The following ROBO2 variants were observed in gnomAD, a reference collection of about 807,000 sequenced individuals.
ROBO2 encodes roundabout homolog 2.
ROBO2 carries 53 observed loss-of-function variants against 160.8 expected under a neutral mutation model. The ratio of observed to expected loss-of-function variants is 0.33; its 90% CI spans 0.26 to 0.41. The LOEUF is 0.41. Among genes scored for constraint, ROBO2 ranks in the 10% least tolerant of loss-of-function variants. The pLI is 1.00. For missense variants in ROBO2, 1,577 were observed against 1,722.4 expected, an observed-to-expected ratio of 0.92 and a Z score of 1.49; for synonymous variants, 664 against 611.7, an observed-to-expected ratio of 1.09 and a Z score of -1.26.
At chr3:76,834,114 C>CTTTCTT (rs1442438961) in intron 2 of ROBO2, among the ~76,000 whole-genome samples, 2 of 129,154 alleles carry the variant, frequency 1.5e-5, no homozygotes, top group African/African-American at 2.9e-5. Flanking sequence ...TTCTTTCTTT[C>CTTTCTT]TCTCTGTCTC....
rs1245594976 is a variant in ROBO2, at chr3:76,897,694, A to G, written c.110-200320A>G. On this transcript the variant is annotated intron_variant, in intron 2 of 26. Coordinates refer to the ROBO2 transcript ENST00000487694. ...ACTTTGTTAAAATTGAAATTTATCCAGGATAGAGTGGCCCTCACTTTTTTT... is the reference window on the plus strand; with the variant it reads ...ACTTTGTTAAAATTGAAATTTATCCGGGATAGAGTGGCCCTCACTTTTTTT... 2.0e-5 allele frequency among the ~76,000 whole-genome samples: 3 copies of G among 148,670 alleles called. No homozygotes were observed. In the East Asian group the frequency reaches 6.0e-4, roughly 29 times the overall value.
intron 2 of ROBO2, among the ~76,000 whole-genome samples, chr3:76,480,772 A>G (rs879513366): frequency 1.3e-5 from 2 of 152,152 alleles, no homozygotes; most frequent in African/African-American, 4.8e-5. Context: ...GGGCATACAT[A>G]TTTTGGGTGG....
At chr3:76,759,544 T>G (rs2061179074) in intron 2 of ROBO2, among the ~76,000 whole-genome samples, 1 of 151,644 alleles carries the variant, frequency 6.6e-6, no homozygotes, top group Non-Finnish European at 1.5e-5. Context: ...CATAGTTGGA[T>G]CTCCGGAAAA....
chr3:76,195,136 T>C (rs1162491062), intron 2 of ROBO2, among the ~76,000 whole-genome samples: 1 of 152,182 alleles, frequency 6.6e-6, no homozygotes, highest in East Asian at 1.9e-4. Context: ...TGATGTTTCC[T>C]TGAAAACAAA....
chr3:76,450,759 T>G (rs183867223), intron 2 of ROBO2, among the ~76,000 whole-genome samples: 1 of 152,288 alleles, frequency 6.6e-6, no homozygotes, highest in East Asian at 1.9e-4. Context: ...CTAAAAAAAT[T>G]TGCAAATTTC....
At chr3:76,796,817 A>G (rs1039623244) in intron 2 of ROBO2, among the ~76,000 whole-genome samples, 1 of 152,052 alleles carries the variant, frequency 6.6e-6, no homozygotes, top group Non-Finnish European at 1.5e-5. Context: ...GATCATACAA[A>G]ATAGACTTCA....
At chr3:76,155,779 A>G (rs552278206) in intron 2 of ROBO2, among the ~76,000 whole-genome samples, 21 of 152,286 alleles carry the variant, frequency 1.4e-4, no homozygotes, top group African/African-American at 4.3e-4. Flanking sequence ...TAAATATTCA[A>G]TGTAAAGAAT....
intron 1 of ROBO2, among the ~76,000 whole-genome samples, chr3:75,917,621 C>T (rs149102225): frequency 1.4e-3 from 208 of 152,262 alleles, no homozygotes; most frequent in African/African-American, 4.8e-3. Flanking sequence ...CATTGTCTTC[C>T]ACAATGGTTG....
At chr3:77,058,022 G>A (rs1224224154) in intron 1 of ROBO2, among the ~76,000 whole-genome samples, 1 of 152,054 alleles carries the variant, frequency 6.6e-6, no homozygotes, top group Non-Finnish European at 1.5e-5. Context: ...GCTGGATTTT[G>A]ATTGAACGTT....
intron 2 of ROBO2, among the ~76,000 whole-genome samples, chr3:76,528,525 G>T (rs980579255): frequency 2.0e-5 from 3 of 152,042 alleles, no homozygotes; most frequent in Non-Finnish European, 2.9e-5. Flanking sequence ...GGAATTAGTT[G>T]ACAACTGAGT....
At chr3:76,084,000 T>G (rs974913010) in intron 2 of ROBO2, among the ~76,000 whole-genome samples, 94 of 152,188 alleles carry the variant, frequency 6.2e-4, no homozygotes, top group Non-Finnish European at 3.4e-4. Context: ...TTGTTTTTAA[T>G]GGAACTGAGA....
intron 2 of ROBO2, among the ~76,000 whole-genome samples, chr3:76,305,610 T>G (rs1377855923): frequency 4.6e-5 from 7 of 151,112 alleles, no homozygotes; most frequent in Admixed American, 4.6e-4. Flanking sequence ...AATACAAAAA[T>G]TAGCTGGGTG....
intron 11 of ROBO2, among the ~76,000 whole-genome samples, chr3:77,563,627 G>T (rs2093399036): frequency 6.6e-6 from 1 of 152,014 alleles, no homozygotes; most frequent in East Asian, 1.9e-4. Context: ...TGAGAATTTA[G>T]GCATCTGAAC....
At chr3:77,294,202 G>A (rs1186970730) in intron 2 of ROBO2, among the ~76,000 whole-genome samples, 5 of 142,134 alleles carry the variant, frequency 3.5e-5, no homozygotes, top group Middle Eastern at 3.8e-3. Flanking sequence ...TAAAATTGAC[G>A]GCTAAAAGGG....
Position 76,967,129 on chromosome 3 carries a change from G to A in ROBO2, c.110-130885G>A, listed in dbSNP as rs112671356. 2.8e-4 allele frequency among the ~76,000 whole-genome samples: 42 copies of A among 152,222 alleles called. 2 individuals are homozygous for A. Among genetic ancestry groups the A allele is most frequent in the African/African-American group, 9.9e-4 (41 of 41,516 alleles). On this transcript the variant is annotated intron_variant, in intron 2 of 26. Transcript: ENST00000487694. ...TTTACAGACGCAGATACACATGAAT[G>A]GAAAGGTAAGGTAGCACATCCGGAA... is the stretch of plus-strand genomic sequence containing the variant.
At chr3:76,552,700 A>T (rs150574002) in intron 2 of ROBO2, among the ~76,000 whole-genome samples, 3 of 152,328 alleles carry the variant, frequency 2.0e-5, no homozygotes, top group Non-Finnish European at 4.4e-5. Flanking sequence ...TGTAGAATAT[A>T]TAATCTATAT....
Position 77,069,123 on chromosome 3 carries a change from G to A in ROBO2, c.61+28277G>A, listed in dbSNP as rs186092649. Among the ~76,000 whole-genome samples, 313 of 152,244 alleles carry A rather than the reference G, an allele frequency of 2.1e-3. 1 individual carries two copies. The highest frequency in any genetic ancestry group is 4.3e-3 in the Admixed American group (65 of 15,270). On this transcript the variant is annotated intron_variant, in intron 1 of 25. Coordinates refer to ENST00000461745, the Ensembl canonical transcript of ROBO2. ...AGCCTAAATATTTACAGTCTTGCTC[G>A]TTAAGAGAGAGTGTGCTGATCTCTA...
At chr3:77,133,160 A>G (rs2075997734) in intron 2 of ROBO2, among the ~76,000 whole-genome samples, 2 of 152,196 alleles carry the variant, frequency 1.3e-5, no homozygotes, top group Admixed American at 6.5e-5. Context: ...GTACAATGTC[A>G]AAGTTTTTTG....
intron 2 of ROBO2, among the ~76,000 whole-genome samples, chr3:77,242,090 T>C (rs2089131429): frequency 6.6e-6 from 1 of 152,230 alleles, no homozygotes; most frequent in Non-Finnish European, 1.5e-5. Flanking sequence ...AGCACTCAGA[T>C]GCATGCTGAA....
Sources: allele counts gnomAD v4.1 joint callset (sites outside exome capture counted in the v4.1 genomes callset), GRCh38; gene constraint gnomAD v4.1.1; transcripts MANE v1.5; gene names NCBI Gene and HGNC (gene_info 2026-07-23, HGNC 2026-07-21).